Variants in FKTN observed in about 807,000 individuals in gnomAD.
FKTN encodes ribitol-5-phosphate transferase FKTN.
FKTN carries 47 observed loss-of-function variants against 58.6 expected under a neutral mutation model. That is an observed-to-expected ratio of 0.80 (90% CI 0.63 to 1.02). FKTN has a LOEUF of 1.02. Among genes scored for constraint, FKTN ranks in the 50% least tolerant of loss-of-function variants. The pLI is 0.00. For missense variants in FKTN, 516 were observed against 537.3 expected (o/e 0.96, Z 0.39); for synonymous variants, 178 against 191.9 (o/e 0.93, Z 0.60).
chr9:105,582,115 A>G (rs1195996656), intron 3 of FKTN, among the ~76,000 whole-genome samples: 1 of 152,120 alleles, frequency 6.6e-6, no homozygotes, highest in Non-Finnish European at 1.5e-5. Flanking sequence ...AAATGCAGAA[A>G]TCACCCGTCT....
At chr9:105,614,398 A>G (rs1830449007) in intron 7 of FKTN, among the ~76,000 whole-genome samples, 1 of 152,198 alleles carries the variant, frequency 6.6e-6, no homozygotes, top group Admixed American at 6.5e-5. Context: ...TTCATTCAGC[A>G]AATACTCAGG....
rs573006312 is a variant in FKTN at position 105,580,072 on chromosome 9, G to C, written c.105+4935G>C. ...AGCCTATGTGTGTCTCTGCACGTGA[G>C]ATGGGTTTCCTGAATACAGCATACT... On this transcript the variant is annotated intron_variant, in intron 3 of 10. Transcript: ENST00000357998. 8.7e-3 allele frequency among the ~76,000 whole-genome samples: 1,323 copies of C among 151,968 alleles called. 30 individuals are homozygous for C. The highest frequency in any genetic ancestry group is 0.031 in the African/African-American group (1,274 of 41,270).
In FKTN at chr9:105,609,535, A is replaced by G. The variant is rs139983203; in HGVS notation, c.780+1584A>G. ...CAATAATAACCTTTGTAATAAAAAGATTCGATTCAGAATCACATGTTGTCT... is the reference window on the plus strand; with the variant it reads ...CAATAATAACCTTTGTAATAAAAAGGTTCGATTCAGAATCACATGTTGTCT... On this transcript the variant is annotated intron_variant, in intron 7 of 10. Coordinates refer to ENST00000357998, the MANE Select transcript of FKTN (RefSeq NM_001079802.2). 2.6e-5 allele frequency among the ~76,000 whole-genome samples: 4 copies of G among 152,312 alleles called. No homozygotes were observed. The East Asian group carries it at 7.7e-4, about 29-fold the overall frequency.
chr9:105,589,751 C>A (rs76709252), intron 3 of FKTN, among the ~76,000 whole-genome samples: 1 of 151,998 alleles, frequency 6.6e-6, no homozygotes, highest in African/African-American at 2.4e-5. Context: ...AAGGTCATTA[C>A]AAATAGAAGA....
chr9:105,616,403 C>G (rs1219244776), intron 8 of FKTN, among the ~76,000 whole-genome samples: 1 of 152,086 alleles, frequency 6.6e-6, no homozygotes, highest in African/African-American at 2.4e-5. Flanking sequence ...TCAGCCTTTC[C>G]TAGGTCATTG....
rs1833963443 is a variant in FKTN at position 105,635,452 on chromosome 9, C to G, written c.*188C>G. ...CTGAGGAATTTTCATGTGCCACATA[C>G]AATGCTAGGTTACAGTGGAGAAGCC... is the stretch of plus-strand genomic sequence containing the variant. On this transcript the variant is annotated 3_prime_UTR_variant, in exon 11 of 11. Transcript: ENST00000357998. 5 of 1,448,072 alleles carry G rather than the reference C, an allele frequency of 3.5e-6. No homozygotes were observed. In the South Asian group the frequency reaches 7.4e-5, roughly 22 times the overall value. The allele number at this position is 1,448,072 out of a possible 1,614,324, so 89.7% of individuals were successfully genotyped here.
Position 105,636,440 on chromosome 9 carries a change from C to T in FKTN, c.*1176C>T. On this transcript the variant is annotated 3_prime_UTR_variant, in exon 11 of 11. Transcript: ENST00000357998. ...CATAGAGTTTGTAAAGTTTGTGTCC[C>T]TCCCCAGTTTTTCAGTCTGTTGAAT... 3 of 990,262 alleles carry T rather than the reference C, an allele frequency of 3.0e-6. No homozygotes were observed. In the South Asian group the frequency reaches 1.4e-4, roughly 45 times the overall value. The allele number at this position is 990,262 out of a possible 1,614,324, so 61.3% of individuals were successfully genotyped here. A position where few individuals can be genotyped will look rare whatever the true frequency, so the allele number is the denominator to read the frequency against.
intron 10 of FKTN, among the ~76,000 whole-genome samples, chr9:105,627,608 A>C (rs1192645261): frequency 6.6e-6 from 1 of 152,132 alleles, no homozygotes; most frequent in Non-Finnish European, 1.5e-5. Context: ...TAAGCTTGTC[A>C]CTAGTAATAC....
chr9:105,591,153 A>G (rs1195076508), intron 3 of FKTN, among the ~76,000 whole-genome samples: 1 of 152,120 alleles, frequency 6.6e-6, no homozygotes, highest in Non-Finnish European at 1.5e-5. Flanking sequence ...TTTGGTGGGG[A>G]CACAGATCTA....
Position 105,581,425 on chromosome 9 carries a change from C to A in FKTN, c.105+6288C>A, listed in dbSNP as rs1380556650. On this transcript the variant is annotated intron_variant, in intron 3 of 10. Coordinates refer to ENST00000357998, the MANE Select transcript of FKTN (RefSeq NM_001079802.2). ...CTGCAGGTCTGTTGGAGTACCCTGC[C>A]TTGTGAGGTGTCAGTGTGCCCCTGC... Among the ~76,000 whole-genome samples, 4 of 148,978 alleles carry A rather than the reference C, an allele frequency of 2.7e-5. 1 individual carries two copies. The highest frequency in any genetic ancestry group is 6.6e-5 in the Admixed American group (1 of 15,038).
intron 1 of FKTN, 40 bp from the exon 2 acceptor site, chr9:105,573,615 G>A (rs1351493700): frequency 6.6e-6 from 1 of 151,134 alleles, no homozygotes; most frequent in East Asian, 1.9e-4. Context: ...ACGACAAAGT[G>A]AGACCCTGTC....
In FKTN at chr9:105,601,195, G is replaced by A; in HGVS notation, c.216G>A (p.Val72=). The A allele has an allele frequency of 6.2e-7, 1 of 1,611,176 alleles. No individual in the cohort carries two copies. Among genetic ancestry groups the A allele is most frequent in the Non-Finnish European group, 8.5e-7 (1 of 1,177,718 alleles). The part of the protein sequence containing the change: ...IMLTSNQNVP[V]FLIDPLILEL... ...TAACATCCAACCAAAATGTACCAGT[G>A]TTTCTTATTGATCCTTTGATACTGG... The change falls in exon 5 of 11, where the codon GTG becomes GTA. Residue 72 remains valine (V), a synonymous_variant. Transcript: ENST00000357998.
intron 1 of FKTN, among the ~76,000 whole-genome samples, chr9:105,562,212 G>A (rs148368061): frequency 6.6e-6 from 1 of 152,366 alleles, no homozygotes; most frequent in Non-Finnish European, 1.5e-5. Flanking sequence ...CAATGATGCT[G>A]GCTGTGCAAA....
At chr9:105,627,285 T>G (rs1564345523) in intron 10 of FKTN, among the ~76,000 whole-genome samples, 1 of 152,142 alleles carries the variant, frequency 6.6e-6, no homozygotes, top group Non-Finnish European at 1.5e-5. Flanking sequence ...TTTACTCTCT[T>G]AATAGTGATT....
chr9:105,610,475 T>G (rs1829715887), intron 7 of FKTN, among the ~76,000 whole-genome samples: 2 of 152,044 alleles, frequency 1.3e-5, no homozygotes, highest in Non-Finnish European at 2.9e-5. Context: ...TGACTCCCAT[T>G]GACCTTAATG....
chr9:105,638,292 A>G lies in FKTN; in HGVS notation c.*3028A>G, dbSNP rs1400890972. ...AAGTCTCAGGGTGTTTCTGCCGCTT[A>G]GTATCTTTTTGTTCAGATTGAGAAC... On this transcript the variant is annotated 3_prime_UTR_variant, in exon 11 of 11. Coordinates refer to ENST00000357998, the MANE Select transcript of FKTN (RefSeq NM_001079802.2). The G allele has an allele frequency of 4.1e-6, 4 of 985,314 alleles. No individual in the cohort carries two copies. The African/African-American group carries it at 5.2e-5, about 13-fold the overall frequency. The allele number at this position is 985,314 out of a possible 1,614,324, so 61.0% of individuals were successfully genotyped here.
chr9:105,590,986 T>C (rs1477474226), intron 3 of FKTN, among the ~76,000 whole-genome samples: 1 of 151,938 alleles, frequency 6.6e-6, no homozygotes, highest in East Asian at 1.9e-4. Flanking sequence ...CTACACACTT[T>C]TAAACAACCA....
intron 3 of FKTN, among the ~76,000 whole-genome samples, chr9:105,582,050 G>A (rs541565818): frequency 5.9e-5 from 9 of 152,084 alleles, no homozygotes; most frequent in African/African-American, 1.7e-4. Context: ...GCACCCACTA[G>A]CCTGCGCCCA....
chr9:105,567,053 ATTATCTCAATAGAT>A (rs1839782896), intron 1 of FKTN, among the ~76,000 whole-genome samples: 1 of 152,212 alleles, frequency 6.6e-6, no homozygotes, highest in Non-Finnish European at 1.5e-5. Context: ...GCCACATAAG[ATTATCTCAATAGAT>A]GCAGAAAAGG....
Sources: gnomAD v4.1 joint callset for allele counts (sites outside exome capture counted in the v4.1 genomes callset) on GRCh38, gnomAD v4.1.1 for gene constraint, MANE v1.5 for transcripts, NCBI Gene and HGNC (gene_info 2026-07-23, HGNC 2026-07-21) for gene names.